The following VPS53 variants were observed in gnomAD, a reference collection of about 807,000 sequenced individuals.
VPS53 encodes the protein vacuolar protein sorting-associated protein 53 homolog.
In VPS53, 70 loss-of-function variants were observed where a neutral mutation model predicts 107.0. The ratio of observed to expected loss-of-function variants is 0.65; its 90% confidence interval spans 0.54 to 0.80. The LOEUF is 0.80. Among genes scored for constraint, VPS53 ranks in the 30% least tolerant of loss-of-function variants. VPS53 has a pLI of 0.00. For missense variants in VPS53, 917 were observed against 1,049.4 expected (o/e 0.87, Z 1.74); for synonymous variants, 409 against 393.3 (o/e 1.04, Z -0.47).
chr17:579,995 C>T (rs568599437), intron 13 of VPS53, among the ~76,000 whole-genome samples: 1 of 152,050 alleles, frequency 6.6e-6, no homozygotes, highest in South Asian at 2.1e-4. Context: ...CAGAAAACCT[C>T]CCTCAGGACC....
In VPS53 at chr17:610,433, G is replaced by A. The variant is rs555346002; in HGVS notation, c.1117-8537C>T. The stretch of plus-strand genomic sequence containing the variant: ...GCTGAAACTATAAAACTCTTAGGAG[G>A]AAACCTAGGTAAGTCTCTGTAGCCT... On this transcript the variant is annotated intron_variant, in intron 11 of 21. Transcript: ENST00000437048. Among the ~76,000 whole-genome samples the A allele has an allele frequency of 8.5e-5, 13 of 152,194 alleles. No homozygotes were observed. The East Asian group carries it at 1.4e-3, about 16-fold the overall frequency.
chr17:602,562 G>A (rs758246087), intron 11 of VPS53, among the ~76,000 whole-genome samples: 1 of 152,150 alleles, frequency 6.6e-6, no homozygotes, highest in Non-Finnish European at 1.5e-5. Context: ...AATACATCAC[G>A]GAGTGGAAAC....
intron 7 of VPS53, among the ~76,000 whole-genome samples, chr17:646,452 C>A (rs1040068023): frequency 1.2e-4 from 17 of 136,562 alleles, no homozygotes; most frequent in South Asian, 2.4e-4. Context: ...GATTGGCTCC[C>A]ACACACATCT....
At chr17:534,655 T>C (rs938983578) in intron 18 of VPS53, among the ~76,000 whole-genome samples, 2 of 152,188 alleles carry the variant, frequency 1.3e-5, no homozygotes, top group Admixed American at 6.5e-5. Context: ...TGGCAGCTCA[T>C]GCCTATAATC....
At chr17:547,779 A>G (rs1220550066) in intron 17 of VPS53, among the ~76,000 whole-genome samples, 2 of 152,152 alleles carry the variant, frequency 1.3e-5, no homozygotes, top group Non-Finnish European at 1.5e-5. Context: ...CTGGGACTAT[A>G]GGTGTGTGCC....
intron 7 of VPS53, among the ~76,000 whole-genome samples, chr17:650,414 T>A (rs1253969104): frequency 6.6e-6 from 1 of 152,092 alleles, no homozygotes; most frequent in East Asian, 1.9e-4. Flanking sequence ...GGAGGATGGT[T>A]TGAGCCCAGG....
Position 568,253 on chromosome 17 carries a change from TA to T in VPS53, c.1314-5509del, listed in dbSNP as rs796966752. On this transcript the variant is annotated intron_variant, in intron 13 of 21. Transcript: ENST00000437048. ...CATTAAGTTAGATAACTTATTTATT[TA>T]TTTTTTTATTTTTTTGAGACAGGGT... Among the ~76,000 whole-genome samples the T allele has an allele frequency of 1.4e-4, 22 of 152,214 alleles. 2 individuals are homozygous for T. Among genetic ancestry groups the T allele is most frequent in the African/African-American group, 5.3e-4 (22 of 41,522 alleles).
Position 623,436 on chromosome 17 carries a change from C to T in VPS53, c.1116+97G>A, listed in dbSNP as rs200667982. ...AATCACTGCAATGAGGGGTTAAGCA[C>T]CGAAGCCAATGGATAGAGTCACCAT... On this transcript the variant is annotated intron_variant, in intron 11 of 21. Transcript: ENST00000437048. The T allele has an allele frequency of 1.9e-5, 27 of 1,436,578 alleles. No individual in the cohort carries two copies. In the East Asian group the frequency reaches 5.8e-4, roughly 31 times the overall value. The allele number at this position is 1,436,578 out of a possible 1,614,324, so 89.0% of individuals were successfully genotyped here.
At chr17:537,890 C>A (rs80277307) in intron 17 of VPS53, 1 of 152,104 alleles carries the variant, frequency 6.6e-6, no homozygotes, top group Admixed American at 6.5e-5. Context: ...GGGATTATGT[C>A]AGGATTTCAA....
intron 4 of VPS53, among the ~76,000 whole-genome samples, chr17:680,886 A>G (rs1277510946): frequency 6.6e-6 from 1 of 152,220 alleles, no homozygotes; most frequent in Non-Finnish European, 1.5e-5. Context: ...GAGCATTTCT[A>G]AAACTTTTTG....
At chr17:706,479 G>T (rs1466305501) in intron 2 of VPS53, among the ~76,000 whole-genome samples, 1 of 151,002 alleles carries the variant, frequency 6.6e-6, no homozygotes, top group Non-Finnish European at 1.5e-5. Context: ...GGAGGTTGCA[G>T]TGAGCCGGGA....
intron 8 of VPS53, among the ~76,000 whole-genome samples, chr17:629,077 T>C (rs1286611356): frequency 6.6e-6 from 1 of 152,238 alleles, no homozygotes; most frequent in African/African-American, 2.4e-5. Flanking sequence ...TGAAAAATAA[T>C]AGACTTTAGG....
intron 2 of VPS53, among the ~76,000 whole-genome samples, chr17:708,224 G>A (rs1323955650): frequency 3.9e-5 from 6 of 152,160 alleles, no homozygotes; most frequent in African/African-American, 1.4e-4. Flanking sequence ...TGGACCCACT[G>A]CTATTTATTG....
Position 682,408 on chromosome 17 carries a change from C to G in VPS53, c.285+15010G>C, listed in dbSNP as rs1167913865. ...GAACCTAGCAGAGAGCTAAAGGTAA[C>G]CAAGCATCCTGAAATCCAAGAAGGA... On this transcript the variant is annotated intron_variant, in intron 4 of 21. Coordinates refer to ENST00000437048, the MANE Select transcript of VPS53 (RefSeq NM_001128159.3). Among the ~76,000 whole-genome samples the G allele has an allele frequency of 8.5e-5, 13 of 152,086 alleles. 1 individual carries two copies.
At chr17:560,287 C>T in intron 15 of VPS53, 139 bp downstream of exon 15, 3 of 1,152,940 alleles carry the variant, frequency 2.6e-6, no homozygotes, top group Non-Finnish European at 3.6e-6. Context: ...GGACACTGAG[C>T]TTTCCTCTGT....
intron 4 of VPS53, among the ~76,000 whole-genome samples, chr17:696,570 C>G (rs1037016215): frequency 6.6e-6 from 1 of 152,150 alleles, no homozygotes; most frequent in Admixed American, 6.6e-5. Flanking sequence ...ATTTCTACTA[C>G]AACAGCCATT....
In VPS53 at chr17:661,789, A is replaced by C. The variant is rs1170772731; in HGVS notation, c.372+20T>G. 21 of 1,548,894 alleles carry C rather than the reference A, an allele frequency of 1.4e-5. No homozygotes were observed. Among genetic ancestry groups the C allele is most frequent in the Middle Eastern group, 1.7e-4 (1 of 6,002 alleles). On this transcript the variant is annotated intron_variant, in intron 5 of 21. Transcript: ENST00000437048. ...CTTCCTCTTTTGGTGCAAAAAGGTTAGGAAGAAACCAGAACTCACCATTTG... is the reference window on the plus strand; with the variant it reads ...CTTCCTCTTTTGGTGCAAAAAGGTTCGGAAGAAACCAGAACTCACCATTTG...
chr17:566,885 C>A (rs562845819), intron 13 of VPS53, among the ~76,000 whole-genome samples: 1 of 151,794 alleles, frequency 6.6e-6, no homozygotes, highest in Non-Finnish European at 1.5e-5. Flanking sequence ...CTGGGACTAC[C>A]GGCACACACC....
chr17:598,690 G>A (rs1261637737), intron 12 of VPS53, among the ~76,000 whole-genome samples: 3 of 119,844 alleles, frequency 2.5e-5, no homozygotes, highest in African/African-American at 5.6e-5. Flanking sequence ...CTGCCCGGCC[G>A]CCCCGTCTGA....
Sources: gnomAD v4.1 joint callset for allele counts (sites outside exome capture counted in the v4.1 genomes callset) on GRCh38, gnomAD v4.1.1 for gene constraint, MANE v1.5 for transcripts, NCBI Gene and HGNC (gene_info 2026-07-23, HGNC 2026-07-21) for gene names.